LIMCH1: variants seen among roughly 807,000 people sequenced by gnomAD.
LIMCH1 encodes LIM and calponin homology domains-containing protein 1.
In LIMCH1, 113 loss-of-function variants were observed where a neutral mutation model predicts 176.5. That is an observed-to-expected ratio of 0.64 (90% CI 0.55 to 0.75). LIMCH1 has a LOEUF of 0.75. LIMCH1 is among the 30% of genes least tolerant of loss of function. The pLI, the probability that LIMCH1 is intolerant of heterozygous loss-of-function variation, is 0.00. For missense variants in LIMCH1, 1,674 were observed against 1,814.9 expected (o/e 0.92, Z 1.41); for synonymous variants, 619 against 645.9 (o/e 0.96, Z 0.63).
At chr4:41,363,341 T>C (rs1013946973) in intron 1 of LIMCH1, among the ~76,000 whole-genome samples, 2 of 152,296 alleles carry the variant, frequency 1.3e-5, no homozygotes, top group South Asian at 2.1e-4. Flanking sequence ...AGGGGCCCCA[T>C]TGTCTCTGGC....
intron 1 of LIMCH1, among the ~76,000 whole-genome samples, chr4:41,385,021 T>A (rs2056301288): frequency 6.6e-6 from 1 of 152,264 alleles, no homozygotes; most frequent in African/African-American, 2.4e-5. Context: ...GTTCTACCTC[T>A]GTTATGGCAT....
Position 41,419,583 on chromosome 4 carries a change from CTTCCTTCCT to C in LIMCH1, c.96+58649_96+58657del, listed in dbSNP as rs1344275385. ...TTCCCCTTCCTTCCTTCCTTCCTTC[CTTCCTTCCT>C]TCCTTCCTTCCGTCCTTCCTTCCTT... On this transcript the variant is annotated intron_variant, in intron 1 of 26. Coordinates refer to the LIMCH1 transcript ENST00000313860. Among the ~76,000 whole-genome samples the C allele has an allele frequency of 4.1e-4, 34 of 83,090 alleles. 2 individuals carry two copies. Among genetic ancestry groups the C allele is most frequent in the African/African-American group, 2.9e-3 (30 of 10,482 alleles). The allele number at this position is 83,090 out of a possible 152,430, so 54.5% of individuals were successfully genotyped here.
At position 41,646,699 on chromosome 4, in the gene LIMCH1, C is replaced by T; in HGVS notation, c.2626C>T (p.Gln876Ter). Residue 876 changes from glutamine (Q) to a stop codon, truncating the protein, a stop_gained, in exon 17 of 32, where the codon CAA becomes TAA. Transcript: ENST00000503057. LOFTEE classifies it high-confidence loss of function. ...CCCCAATCCCATGAAATACCTGCGG[C>T]AACAGTCACTGCCTCCACCCAAATT... ...NDPNPMKYLR[Q>*]QSLPPPKFTA... 6.2e-7 allele frequency: 1 copy of T among 1,614,184 alleles called. No homozygotes were observed. Among genetic ancestry groups the T allele is most frequent in the Non-Finnish European group, 8.5e-7 (1 of 1,180,038 alleles).
intron 14 of LIMCH1, among the ~76,000 whole-genome samples, chr4:41,640,559 C>CT (rs1554145301): frequency 2.0e-5 from 3 of 152,120 alleles, no homozygotes; most frequent in African/African-American, 4.8e-5. Context: ...GTAAAAGGAG[C>CT]TTTTTTTCCA....
chr4:41,670,632 C>G, intron 21 of LIMCH1: 1 of 958,332 alleles, frequency 1.0e-6, no homozygotes, highest in Middle Eastern at 2.1e-4. Context: ...GCCAAACTCC[C>G]TATAGTACTT....
intron 1 of LIMCH1, among the ~76,000 whole-genome samples, chr4:41,551,992 C>T (rs191831404): frequency 4.7e-3 from 709 of 152,272 alleles, no homozygotes; most frequent in South Asian, 0.022. Context: ...GTTTAATGGA[C>T]GAACAGTTCC....
At chr4:41,470,443 G>A (rs2066782163) in intron 1 of LIMCH1, among the ~76,000 whole-genome samples, 1 of 152,070 alleles carries the variant, frequency 6.6e-6, no homozygotes, top group African/African-American at 2.4e-5. Context: ...CTATGTGAGG[G>A]ACTTCTCTTT....
chr4:41,363,012 T>G (rs2052380794), intron 1 of LIMCH1, among the ~76,000 whole-genome samples: 1 of 152,218 alleles, frequency 6.6e-6, no homozygotes, highest in Non-Finnish European at 1.5e-5. Flanking sequence ...ATTATTGAAG[T>G]GGCCTATCTC....
At chr4:41,652,002 T>A (rs932196681) in intron 18 of LIMCH1, among the ~76,000 whole-genome samples, 3 of 152,238 alleles carry the variant, frequency 2.0e-5, no homozygotes, top group African/African-American at 7.2e-5. Flanking sequence ...CAACCTCATT[T>A]GTACTCACCA....
At chr4:41,395,485 C>T (rs10012588) in intron 1 of LIMCH1, among the ~76,000 whole-genome samples, 2,364 of 151,790 alleles carry the variant, frequency 0.016, 56 homozygotes, top group African/African-American at 0.053. Context: ...TCAAGTGATC[C>T]GCCCGCCTTG....
chr4:41,469,849 T>A (rs916492630), intron 1 of LIMCH1, among the ~76,000 whole-genome samples: 2 of 151,848 alleles, frequency 1.3e-5, no homozygotes, highest in African/African-American at 4.8e-5. Context: ...GCTCAGCTAA[T>A]TTTTGTGTTT....
At chr4:41,386,531 C>CT (rs992839801) in intron 1 of LIMCH1, among the ~76,000 whole-genome samples, 48 of 152,026 alleles carry the variant, frequency 3.2e-4, no homozygotes, top group African/African-American at 1.0e-3. Context: ...ACAAGTGATG[C>CT]TTTTTTTTGG....
intron 1 of LIMCH1, among the ~76,000 whole-genome samples, chr4:41,379,163 T>C (rs2055247650): frequency 6.6e-6 from 1 of 152,186 alleles, no homozygotes; most frequent in Non-Finnish European, 1.5e-5. Flanking sequence ...CTCGGGTTTT[T>C]CTTGAGGTTG....
upstream of LIMCH1, among the ~76,000 whole-genome samples, chr4:41,533,872 C>T (rs1238750656): frequency 6.6e-6 from 1 of 152,148 alleles, no homozygotes; most frequent in Admixed American, 6.5e-5. Flanking sequence ...TCAGAAGGAC[C>T]TGGGTCTTAT....
At chr4:41,672,545 T>A (rs2095083049) in intron 22 of LIMCH1, among the ~76,000 whole-genome samples, 1 of 152,196 alleles carries the variant, frequency 6.6e-6, no homozygotes, top group African/African-American at 2.4e-5. Context: ...CAAACTCTCA[T>A]TTTTGCACCC....
chr4:41,460,472 A>ATCTATCTATC (rs1282696967), intron 1 of LIMCH1, among the ~76,000 whole-genome samples: 2 of 142,864 alleles, frequency 1.4e-5, no homozygotes, highest in African/African-American at 5.4e-5. Context: ...ATATATATAT[A>ATCTATCTATC]TATATATCTT....
intron 1 of LIMCH1, among the ~76,000 whole-genome samples, chr4:41,454,581 T>C (rs2064306071): frequency 6.6e-6 from 1 of 152,044 alleles, no homozygotes; most frequent in Non-Finnish European, 1.5e-5. Flanking sequence ...TCCTGGTGTG[T>C]TTCCCCAAGC....
At chr4:41,664,878 AT>A (rs1190879956) in intron 20 of LIMCH1, among the ~76,000 whole-genome samples, 1 of 152,174 alleles carries the variant, frequency 6.6e-6, no homozygotes, top group Admixed American at 6.5e-5. Flanking sequence ...TCTGGTAAAC[AT>A]TATTCTCAGA....
At chr4:41,597,177 G>A (rs2089020180) in intron 1 of LIMCH1, among the ~76,000 whole-genome samples, 3 of 152,084 alleles carry the variant, frequency 2.0e-5, no homozygotes, top group Admixed American at 1.3e-4. Flanking sequence ...CTTTGGTGCT[G>A]GCCTCAGATT....
Sources: allele counts gnomAD v4.1 joint callset (sites outside exome capture counted in the v4.1 genomes callset), GRCh38; gene constraint gnomAD v4.1.1; transcripts MANE v1.5; gene names NCBI Gene and HGNC (gene_info 2026-07-23, HGNC 2026-07-21).